Variants in NTM observed in about 807,000 individuals in gnomAD.
The protein encoded by NTM is IgLON family member 2.
A neutral mutation model predicts 42.1 loss-of-function variants in NTM; 13 were observed. That is an observed-to-expected ratio of 0.31 (90% CI 0.20 to 0.49). NTM has a LOEUF of 0.49. NTM is among the 20% of genes least tolerant of loss of function. The pLI, the probability that NTM is intolerant of heterozygous loss-of-function variation, is 0.99. For synonymous variants in NTM, 187 were observed against 179.2 expected (o/e 1.04, Z -0.35); for missense variants, 373 against 452.8 (o/e 0.82, Z 1.60).
chr11:131,589,381 T>G (rs1188964800), intron 1 of NTM, among the ~76,000 whole-genome samples: 1 of 152,144 alleles, frequency 6.6e-6, no homozygotes, highest in South Asian at 2.1e-4. Flanking sequence ...CTCCCAGCAC[T>G]AGCATTCTGG....
chr11:132,035,695 G>A (rs1360209851), intron 2 of NTM, among the ~76,000 whole-genome samples: 1 of 152,034 alleles, frequency 6.6e-6, no homozygotes, highest in South Asian at 2.1e-4. Context: ...CATGTGTAAT[G>A]TTCCTGTGTG....
intron 1 of NTM, among the ~76,000 whole-genome samples, chr11:131,694,680 C>A (rs376890467): frequency 1.3e-5 from 2 of 152,292 alleles, no homozygotes; most frequent in South Asian, 4.1e-4. Context: ...CTCCGAAGGA[C>A]GGCTCCAGAG....
At chr11:132,017,445 G>A (rs1300498838) in intron 2 of NTM, among the ~76,000 whole-genome samples, 1 of 151,874 alleles carries the variant, frequency 6.6e-6, no homozygotes, top group Non-Finnish European at 1.5e-5. Context: ...GACCGTAAAT[G>A]GGATTCATGA....
chr11:132,186,381 C>T (rs2078398753), intron 3 of NTM, among the ~76,000 whole-genome samples: 1 of 152,226 alleles, frequency 6.6e-6, no homozygotes, highest in African/African-American at 2.4e-5. Context: ...CTCTTTCCAG[C>T]AGCCCAAATC....
intron 1 of NTM, among the ~76,000 whole-genome samples, chr11:131,657,388 A>G (rs988772104): frequency 7.9e-5 from 12 of 152,354 alleles, no homozygotes; most frequent in Admixed American, 6.5e-4. Context: ...GCGTGGAAGA[A>G]TAAAGGGCAG....
chr11:131,791,376 G>C (rs2090910754), intron 1 of NTM, among the ~76,000 whole-genome samples: 1 of 152,146 alleles, frequency 6.6e-6, no homozygotes, highest in Non-Finnish European at 1.5e-5. Flanking sequence ...GCTTGTTTTT[G>C]TCTGTGTTTA....
At chr11:131,506,681 A>T (rs939424568) in intron 1 of NTM, among the ~76,000 whole-genome samples, 3 of 152,212 alleles carry the variant, frequency 2.0e-5, no homozygotes, top group Non-Finnish European at 4.4e-5. Context: ...CTAGGGCCTC[A>T]GAGAAGCCAC....
At chr11:131,764,757 G>GGA (rs903587048) in intron 1 of NTM, among the ~76,000 whole-genome samples, 2 of 152,086 alleles carry the variant, frequency 1.3e-5, no homozygotes, top group Non-Finnish European at 2.9e-5. Flanking sequence ...GAGATTAATG[G>GGA]GAGAACATGA....
At chr11:131,789,538 AGAAGAAGAAAAGAAGAAG>A (rs2090229709) in intron 1 of NTM, among the ~76,000 whole-genome samples, 2 of 29,066 alleles carry the variant, frequency 6.9e-5, no homozygotes, top group Non-Finnish European at 1.2e-4. Context: ...AAGAAGAAGA[AGAAGAAGAAAAGAAGAAG>A]AAGAAGAAGA....
intron 1 of NTM, among the ~76,000 whole-genome samples, chr11:131,698,731 C>G (rs1442910460): frequency 6.6e-6 from 1 of 152,250 alleles, no homozygotes; most frequent in African/African-American, 2.4e-5. Context: ...TCCGTCCTTG[C>G]TCTCAGCCCA....
intron 1 of NTM, among the ~76,000 whole-genome samples, chr11:131,525,357 T>C (rs1001291751): frequency 2.6e-5 from 4 of 152,206 alleles, no homozygotes; most frequent in Non-Finnish European, 5.9e-5. Flanking sequence ...TCTGTTTGAA[T>C]GTCAGCTGCT....
intron 2 of NTM, among the ~76,000 whole-genome samples, chr11:132,006,916 C>T (rs553996445): frequency 6.6e-6 from 1 of 152,222 alleles, no homozygotes; most frequent in Admixed American, 6.5e-5. Context: ...AGAACATTGA[C>T]TAGTGCTGGC....
At position 132,192,955 on chromosome 11, in the gene NTM, A is replaced by G. The variant is rs73595500; in HGVS notation, c.401-19067A>G. On this transcript the variant is annotated intron_variant, in intron 3 of 8. Transcript: ENST00000683400. Reference sequence around the variant, plus strand: ...CTCAATTCAACAAGAAAACTTAACTATCTTAAATATGTACAAACCCAAAAT... The same window carrying G: ...CTCAATTCAACAAGAAAACTTAACTGTCTTAAATATGTACAAACCCAAAAT... 6.5e-3 allele frequency among the ~76,000 whole-genome samples: 994 copies of G among 152,348 alleles called. 16 individuals carry two copies. The highest frequency in any genetic ancestry group is 0.022 in the African/African-American group (921 of 41,582).
chr11:131,750,826 C>A (rs2082397811), intron 1 of NTM, among the ~76,000 whole-genome samples: 1 of 152,242 alleles, frequency 6.6e-6, no homozygotes, highest in African/African-American at 2.4e-5. Flanking sequence ...ACTTTGGATC[C>A]AATCCTAAGC....
chr11:131,929,225 T>G (rs1293703426), intron 2 of NTM, among the ~76,000 whole-genome samples: 1 of 152,074 alleles, frequency 6.6e-6, no homozygotes, highest in Non-Finnish European at 1.5e-5. Flanking sequence ...TTGAGTGAGA[T>G]CTGATGAATG....
intron 2 of NTM, among the ~76,000 whole-genome samples, chr11:132,104,441 A>G (rs959273444): frequency 2.6e-5 from 4 of 151,988 alleles, no homozygotes; most frequent in Non-Finnish European, 5.9e-5. Flanking sequence ...AAGATACAAA[A>G]ATACCCTAGC....
chr11:131,839,457 C>A (rs890381546), intron 1 of NTM, among the ~76,000 whole-genome samples: 1 of 152,140 alleles, frequency 6.6e-6, no homozygotes. Flanking sequence ...AGAAAGTCCA[C>A]CTGAGGAAGC....
intron 4 of NTM, among the ~76,000 whole-genome samples, chr11:132,250,284 C>T (rs1183589738): frequency 1.3e-5 from 2 of 152,188 alleles, no homozygotes; most frequent in Non-Finnish European, 2.9e-5. Flanking sequence ...CAACCTCCAA[C>T]AACCCCTGTT....
intron 1 of NTM, among the ~76,000 whole-genome samples, chr11:131,734,446 C>T (rs2080147101): frequency 6.6e-6 from 1 of 152,148 alleles, no homozygotes; most frequent in African/African-American, 2.4e-5. Flanking sequence ...CTCCCTACCC[C>T]CATCCTTTTA....
Sources: gnomAD v4.1 joint callset for allele counts (sites outside exome capture counted in the v4.1 genomes callset) on GRCh38, gnomAD v4.1.1 for gene constraint, MANE v1.5 for transcripts, NCBI Gene and HGNC (gene_info 2026-07-23, HGNC 2026-07-21) for gene names.